TIAM1: variants seen among roughly 807,000 people sequenced by gnomAD.
TIAM1 encodes the protein rho guanine nucleotide exchange factor TIAM1.
A neutral mutation model predicts 163.5 loss-of-function variants in TIAM1; 65 were observed. That is an observed-to-expected ratio of 0.40 (90% CI 0.33 to 0.49). The LOEUF is 0.49. Ranked by LOEUF, TIAM1 falls within the 20% of genes least tolerant of loss-of-function variation. TIAM1 has a pLI of 0.77. For synonymous variants in TIAM1, 833 were observed against 810.1 expected (o/e 1.03, Z -0.48); for missense variants, 1,789 against 2,044.7 (o/e 0.87, Z 2.41).
chr21:31,160,535 C>T, intron 16 of TIAM1: 1 of 398,660 alleles, frequency 2.5e-6, no homozygotes, highest in Non-Finnish European at 4.4e-6. Flanking sequence ...CAGACATCAT[C>T]AGGAATGTAT....
intron 1 of TIAM1, among the ~76,000 whole-genome samples, chr21:31,528,511 TTAAAA>T (rs1286959801): frequency 2.1e-5 from 3 of 144,404 alleles, no homozygotes; most frequent in Admixed American, 1.4e-4. Flanking sequence ...GAAATAAAAA[TTAAAA>T]TAAATAGGCA....
intron 1 of TIAM1, among the ~76,000 whole-genome samples, chr21:31,342,434 C>A (rs1227269674): frequency 2.6e-5 from 4 of 152,198 alleles, no homozygotes; most frequent in Admixed American, 6.5e-5. Context: ...CTAGCATTAA[C>A]CCCAATTTCA....
At chr21:31,318,213 C>A (rs2147016789) in intron 2 of TIAM1, among the ~76,000 whole-genome samples, 1 of 152,312 alleles carries the variant, frequency 6.6e-6, no homozygotes, top group Non-Finnish European at 1.5e-5. Flanking sequence ...TTCTCCCACC[C>A]AAGGTTCCTG....
chr21:31,173,530 GAA>G lies in TIAM1; in HGVS notation c.2888-8467_2888-8466del, dbSNP rs1182868345. 1.2e-3 allele frequency among the ~76,000 whole-genome samples: 167 copies of G among 136,934 alleles called. 1 individual carries two copies. The highest frequency in any genetic ancestry group is 3.7e-3 in the Middle Eastern group (1 of 270). The allele number at this position is 136,934 out of a possible 152,430, so 89.8% of individuals were successfully genotyped here. The stretch of plus-strand genomic sequence containing the variant: ...AGCAAGAAAGAAAGAGAGAGCGAGA[GAA>G]AGAGAGAGAGAGAGAGAGAGAAAAG... On this transcript the variant is annotated intron_variant, in intron 15 of 27. Transcript: ENST00000541036.
At chr21:31,130,112 A>T in intron 25 of TIAM1, 101 bp downstream of exon 25, 7 of 911,688 alleles carry the variant, frequency 7.7e-6, no homozygotes, top group South Asian at 1.9e-5. Flanking sequence ...AAAAAAAAAA[A>T]GACGGTAGAA....
At chr21:31,387,301 C>T (rs1482887330) in intron 2 of TIAM1, among the ~76,000 whole-genome samples, 7 of 145,152 alleles carry the variant, frequency 4.8e-5, no homozygotes, top group Admixed American at 4.3e-4. Context: ...CAATTCACTG[C>T]AACCTCTGCC....
At chr21:31,515,098 G>T (rs1458759827) in intron 1 of TIAM1, among the ~76,000 whole-genome samples, 1 of 152,078 alleles carries the variant, frequency 6.6e-6, no homozygotes, top group Admixed American at 6.6e-5. Flanking sequence ...CCCAAGTTTG[G>T]CCCTGGACCA....
intron 9 of TIAM1, among the ~76,000 whole-genome samples, chr21:31,217,191 G>A (rs1285102438): frequency 6.7e-6 from 1 of 149,818 alleles, no homozygotes; most frequent in African/African-American, 2.5e-5. Flanking sequence ...TGGTGACAGA[G>A]CGAGACTCTG....
chr21:31,536,578 C>G (rs1158306839), intron 1 of TIAM1, among the ~76,000 whole-genome samples: 1 of 152,242 alleles, frequency 6.6e-6, no homozygotes, highest in Non-Finnish European at 1.5e-5. Flanking sequence ...GCAAACATCA[C>G]AATTACTTTT....
At chr21:31,315,841 G>A (rs1017777534) in intron 2 of TIAM1, among the ~76,000 whole-genome samples, 3 of 151,944 alleles carry the variant, frequency 2.0e-5, no homozygotes, top group Admixed American at 2.0e-4. Flanking sequence ...GGCGGGTGTG[G>A]TGGTGCACGC....
At chr21:31,289,313 T>C (rs765823303) in intron 2 of TIAM1, among the ~76,000 whole-genome samples, 1 of 152,144 alleles carries the variant, frequency 6.6e-6, no homozygotes, top group Non-Finnish European at 1.5e-5. Context: ...GGCCCAACTC[T>C]CCTAAGCACC....
At chr21:31,545,503 G>T (rs2048458187) in intron 1 of TIAM1, among the ~76,000 whole-genome samples, 1 of 152,128 alleles carries the variant, frequency 6.6e-6, no homozygotes, top group Non-Finnish European at 1.5e-5. Flanking sequence ...AGAGAAGATG[G>T]GATCATTCAT....
chr21:31,510,941 A>G (rs1461867254), intron 1 of TIAM1, among the ~76,000 whole-genome samples: 1 of 152,270 alleles, frequency 6.6e-6, no homozygotes, highest in Non-Finnish European at 1.5e-5. Flanking sequence ...CTTTGCAAGA[A>G]GAAAAAAGAC....
chr21:31,347,783 G>A (rs954069596), upstream of TIAM1, among the ~76,000 whole-genome samples: 1 of 140,798 alleles, frequency 7.1e-6, no homozygotes, highest in African/African-American at 3.2e-5. Context: ...ATGCACGAAC[G>A]TTCAGAGAAA....
At chr21:31,485,442 G>A (rs886312702) in intron 1 of TIAM1, among the ~76,000 whole-genome samples, 1 of 152,100 alleles carries the variant, frequency 6.6e-6, no homozygotes, top group Non-Finnish European at 1.5e-5. Flanking sequence ...TGCTCATTCC[G>A]AGACAAAAAA....
At chr21:31,409,232 C>T (rs2077301977) in intron 2 of TIAM1, among the ~76,000 whole-genome samples, 1 of 152,076 alleles carries the variant, frequency 6.6e-6, no homozygotes, top group African/African-American at 2.4e-5. Flanking sequence ...GCCTCAGCCT[C>T]TCCAGTAGCT....
At chr21:31,396,335 C>T (rs929237757) in intron 2 of TIAM1, among the ~76,000 whole-genome samples, 2 of 152,068 alleles carry the variant, frequency 1.3e-5, no homozygotes, top group Non-Finnish European at 2.9e-5. Flanking sequence ...TTCGCGGGTC[C>T]CTCTGCCTGG....
intron 1 of TIAM1, among the ~76,000 whole-genome samples, chr21:31,485,785 C>T (rs917820356): frequency 5.3e-5 from 8 of 152,108 alleles, no homozygotes; most frequent in African/African-American, 9.7e-5. Flanking sequence ...CTGGTCTAAG[C>T]CCCCACACGT....
At chr21:31,261,959 C>T (rs2072499263) in intron 4 of TIAM1, among the ~76,000 whole-genome samples, 2 of 152,074 alleles carry the variant, frequency 1.3e-5, no homozygotes, top group African/African-American at 4.8e-5. Flanking sequence ...ATGAATGAAG[C>T]TCTCCTCACA....
Sources: allele counts gnomAD v4.1 joint callset (sites outside exome capture counted in the v4.1 genomes callset), GRCh38; gene constraint gnomAD v4.1.1; transcripts MANE v1.5; gene names NCBI Gene and HGNC (gene_info 2026-07-23, HGNC 2026-07-21).